ANK1: variants seen among roughly 807,000 people sequenced by gnomAD.
ANK1 encodes ankyrin 1.
Under a neutral mutation model 210.4 loss-of-function variants are expected in ANK1, and 51 were observed. The ratio of observed to expected loss-of-function variants is 0.24; its 90% CI spans 0.19 to 0.31. The LOEUF is 0.31. ANK1 is among the 10% of genes least tolerant of loss of function. The pLI, the probability that ANK1 is intolerant of heterozygous loss-of-function variation, is 1.00. For missense variants in ANK1, 2,051 were observed against 2,504.4 expected (o/e 0.82, Z 3.86); for synonymous variants, 967 against 1,025.9 (o/e 0.94, Z 1.10).
At chr8:41,799,123 AG>A (rs1849436882), upstream of ANK1, among the ~76,000 whole-genome samples, 1 of 152,270 alleles carries the variant, frequency 6.6e-6, no homozygotes, top group South Asian at 2.1e-4. Context: ...GTCCTTAAGC[AG>A]GAGCCTTTTG....
intron 1 of ANK1, among the ~76,000 whole-genome samples, chr8:41,836,429 T>C (rs1047919946): frequency 1.3e-5 from 2 of 152,248 alleles, no homozygotes; most frequent in African/African-American, 4.8e-5. Flanking sequence ...GAGGAACTCA[T>C]TGTGGCTGCA....
In ANK1 at chr8:41,688,164, C is replaced by A. The variant is rs905878249; in HGVS notation, c.4250G>T (p.Ser1417Ile). 1.2e-6 allele frequency: 2 copies of A among 1,614,138 alleles called. No homozygotes were observed. Among genetic ancestry groups the A allele is most frequent in the East Asian group, 2.2e-5 (1 of 44,900 alleles). ...MAVISEHLGL[S>I]WAELARELQF... ...CCCAATTCCCCACTCACCTGCCCAGCTGAGACCGAGGTGCTCTGAGATAAC... is the reference window on the plus strand; with the variant it reads ...CCCAATTCCCCACTCACCTGCCCAGATGAGACCGAGGTGCTCTGAGATAAC... The change falls in exon 35 of 43, where the codon AGC (serine) becomes ATC (isoleucine). Residue 1417 changes from serine (S) to isoleucine (I), a missense_variant. Coordinates refer to ENST00000289734, the MANE Select transcript of ANK1 (RefSeq NM_000037.4).
At chr8:41,680,706 T>C (rs1316291061) in intron 37 of ANK1, among the ~76,000 whole-genome samples, 1 of 152,190 alleles carries the variant, frequency 6.6e-6, no homozygotes, top group Non-Finnish European at 1.5e-5. Context: ...CTCCCAGCCA[T>C]GCTGGCTGAG....
chr8:41,655,872 G>C, intron 42 of ANK1, 119 bp from the exon 43 acceptor site: 1 of 1,181,530 alleles, frequency 8.5e-7, no homozygotes, highest in East Asian at 2.4e-5. Context: ...AGGAAAAGCA[G>C]TCTCCCCAGG....
rs183336695 is a variant in ANK1 at position 41,667,008 on chromosome 8, G to A, written c.5394+1259C>T. ...GACCACAGAGGGGCAGTGGAAAAAA[G>A]TGCTGTAGGCGTCTTTCTCTTTCCC... On this transcript the variant is annotated intron_variant, in intron 39 of 42. Transcript: ENST00000289734. 8.5e-5 allele frequency among the ~76,000 whole-genome samples: 13 copies of A among 152,318 alleles called. No homozygotes were observed. The East Asian group carries it at 2.3e-3, about 27-fold the overall frequency.
At chr8:41,848,100 A>G (rs12680458) in intron 1 of ANK1, among the ~76,000 whole-genome samples, 3,179 of 152,048 alleles carry the variant, frequency 0.021, 91 homozygotes, top group African/African-American at 0.067. Context: ...CACAAGAATC[A>G]CTTGAACCTG....
Position 41,887,615 on chromosome 8 carries a change from C to T in ANK1, c.126+8740G>A, listed in dbSNP as rs191315688. Among the ~76,000 whole-genome samples the T allele has an allele frequency of 3.8e-3, 584 of 152,208 alleles. 4 individuals carry two copies. The highest frequency in any genetic ancestry group is 0.013 in the African/African-American group (559 of 41,518). Reference sequence around the variant, plus strand: ...GGATAAAAAAGAAAATTCAATCACCCGGAAACACACATGACAAAGATGACC... The same window carrying T: ...GGATAAAAAAGAAAATTCAATCACCTGGAAACACACATGACAAAGATGACC... On this transcript the variant is annotated intron_variant, in intron 1 of 42. Coordinates refer to the ANK1 transcript ENST00000265709.
chr8:41,711,965 C>A (rs1324599855), intron 16 of ANK1, among the ~76,000 whole-genome samples: 1 of 151,940 alleles, frequency 6.6e-6, no homozygotes, highest in Non-Finnish European at 1.5e-5. Context: ...CGCTCTCTTG[C>A]CCAGGCTGGA....
chr8:41,895,502 G>T (rs1230916986), intron 1 of ANK1, among the ~76,000 whole-genome samples: 2 of 151,964 alleles, frequency 1.3e-5, no homozygotes. Flanking sequence ...CCCCAAAAGG[G>T]CTAAAAACAG....
chr8:41,690,099 A>G, intron 33 of ANK1, 128 bp downstream of exon 33: 1 of 1,459,244 alleles, frequency 6.9e-7, no homozygotes, highest in East Asian at 2.3e-5. Flanking sequence ...GCACCTTTGC[A>G]TGCCTCGGGG....
chr8:41,722,336 A>G (rs537980252), intron 9 of ANK1, among the ~76,000 whole-genome samples: 1 of 152,254 alleles, frequency 6.6e-6, no homozygotes, highest in Non-Finnish European at 1.5e-5. Flanking sequence ...GAACATGATA[A>G]TGTGTCGGGA....
intron 37 of ANK1, among the ~76,000 whole-genome samples, chr8:41,678,161 G>C (rs1313171270): frequency 1.4e-5 from 2 of 139,806 alleles, no homozygotes; most frequent in Admixed American, 1.4e-4. Context: ...CTTTTTTTTT[G>C]CGTTGAGAAC....
At chr8:41,696,199 A>G (rs1161588610) in intron 26 of ANK1, among the ~76,000 whole-genome samples, 164 bp downstream of exon 26, 1 of 152,052 alleles carries the variant, frequency 6.6e-6, no homozygotes, top group Non-Finnish European at 1.5e-5. Flanking sequence ...CTGAGATCTG[A>G]GAGTTGTAAG....
rs770385311 is a variant in ANK1 at position 41,663,718 on chromosome 8, C to A, written c.5419G>T (p.Gly1807Trp). 22 of 1,613,990 alleles carry A rather than the reference C, an allele frequency of 1.4e-5. 2 individuals are homozygous for A. The South Asian group carries it at 2.3e-4, about 17-fold the overall frequency. ...VQGNEFQNIPGEQVTEEQFTD... is the reference protein window; with the variant it reads ...VQGNEFQNIPWEQVTEEQFTD... ...AATTGCTCCTCTGTCACCTGCTCCC[C>A]TGGAATATTCTGAAACTCATTCCCC... The change falls in exon 40 of 43, where the codon GGG becomes TGG. Residue 1807 changes from glycine (G) to tryptophan (W), a missense_variant. Transcript: ENST00000289734.
intron 2 of ANK1, among the ~76,000 whole-genome samples, chr8:41,750,623 G>A (rs1837481279): frequency 6.6e-6 from 1 of 151,832 alleles, no homozygotes; most frequent in South Asian, 2.1e-4. Context: ...TATAGGTTAA[G>A]CAGGATCCTG....
chr8:41,800,728 T>C (rs1849733415), upstream of ANK1, among the ~76,000 whole-genome samples: 1 of 152,056 alleles, frequency 6.6e-6, no homozygotes, highest in South Asian at 2.1e-4. Context: ...TGTATGATTT[T>C]TGTTTGTTTG....
chr8:41,886,766 G>C (rs573152168), intron 1 of ANK1, among the ~76,000 whole-genome samples: 53 of 152,312 alleles, frequency 3.5e-4, no homozygotes, highest in African/African-American at 1.2e-3. Flanking sequence ...GTAGATTCAG[G>C]GGGTGGAAGG....
intron 1 of ANK1, among the ~76,000 whole-genome samples, chr8:41,770,473 C>T (rs540521070): frequency 4.6e-5 from 7 of 152,200 alleles, no homozygotes; most frequent in African/African-American, 1.2e-4. Context: ...TTTTGGTACT[C>T]GGTTCTTATA....
intron 1 of ANK1, among the ~76,000 whole-genome samples, chr8:41,788,712 T>C (rs1846969972): frequency 6.6e-6 from 1 of 152,178 alleles, no homozygotes; most frequent in African/African-American, 2.4e-5. Flanking sequence ...CAAACCTTAC[T>C]GGTAGAGGGG....
Sources: gnomAD v4.1 joint callset for allele counts (sites outside exome capture counted in the v4.1 genomes callset) on GRCh38, gnomAD v4.1.1 for gene constraint, MANE v1.5 for transcripts, NCBI Gene and HGNC (gene_info 2026-07-23, HGNC 2026-07-21) for gene names.